The following PCLO variants were observed in gnomAD, a reference collection of about 807,000 sequenced individuals.
PCLO encodes piccolo presynaptic cytomatrix protein.
PCLO carries 82 observed loss-of-function variants against 427.5 expected under a neutral mutation model. That is an observed-to-expected ratio of 0.19 (90% CI 0.16 to 0.23). The LOEUF is 0.23. PCLO is among the 10% of genes least tolerant of loss of function. The probability of loss-of-function intolerance (pLI) is 1.00; values close to 1 mark genes in which losing one functional copy is unlikely to be tolerated. For synonymous variants in PCLO, 2,357 were observed against 2,155.4 expected (o/e 1.09, Z -2.59); for missense variants, 6,239 against 6,115.9 (o/e 1.02, Z -0.67).
chr7:83,035,351 A>G (rs1788768041), intron 3 of PCLO, among the ~76,000 whole-genome samples: 1 of 152,130 alleles, frequency 6.6e-6, no homozygotes, highest in East Asian at 1.9e-4. Context: ...CTATTTTACA[A>G]CTTTGTAGGG....
chr7:82,962,492 G>C (rs1020389550), intron 4 of PCLO, among the ~76,000 whole-genome samples: 69 of 151,938 alleles, frequency 4.5e-4, no homozygotes, highest in Admixed American at 4.5e-3. Context: ...AAATTAAGTA[G>C]CAAAAGATCT....
At chr7:82,926,751 T>A (rs372194005) in intron 6 of PCLO, among the ~76,000 whole-genome samples, 1 of 152,308 alleles carries the variant, frequency 6.6e-6, no homozygotes. Flanking sequence ...TTGCATTATA[T>A]TTTCTGGAAA....
intron 3 of PCLO, among the ~76,000 whole-genome samples, chr7:83,005,888 T>C (rs1787934172): frequency 6.6e-6 from 1 of 151,676 alleles, no homozygotes; most frequent in South Asian, 2.1e-4. Context: ...GGAAAAAATA[T>C]ACAGCAAATG....
rs755774689 is a variant in PCLO at position 82,916,344 on chromosome 7, G to A, written c.11642C>T (p.Pro3881Leu). The part of the protein sequence containing the change: ...QTQTESQLVP[P>L]TSPYTQYQYS... ...CTGGTATTGTGTGTAAGGACTTGTCGGAGGAACTAGTTGAGATTCTGTTTG... is the reference window on the plus strand; with the variant it reads ...CTGGTATTGTGTGTAAGGACTTGTCAGAGGAACTAGTTGAGATTCTGTTTG... The change falls in exon 7 of 25, where the codon CCG (proline) becomes CTG (leucine). Residue 3881 changes from proline to leucine, a missense_variant. Physicochemically the swap from Pro to Leu is moderately conservative, Grantham distance 98. This residue lies in a region of PCLO where 680 missense variants were observed against 677.3 expected (regional missense o/e 1.00). Transcript: ENST00000333891. The A allele has an allele frequency of 6.8e-6, 11 of 1,613,658 alleles. No individual in the cohort carries two copies. The East Asian group carries it at 8.9e-5, about 13-fold the overall frequency.
intron 9 of PCLO, among the ~76,000 whole-genome samples, chr7:82,883,802 G>A (rs758648736): frequency 3.3e-5 from 5 of 151,914 alleles, no homozygotes; most frequent in Non-Finnish European, 7.4e-5. Flanking sequence ...ATGGACTCTC[G>A]CTCTGTTCCC....
intron 9 of PCLO, among the ~76,000 whole-genome samples, chr7:82,901,546 A>T (rs542161533): frequency 4.6e-5 from 7 of 152,198 alleles, no homozygotes; most frequent in African/African-American, 1.7e-4. Flanking sequence ...CACCAAAAGC[A>T]ATGGCAACAA....
chr7:83,134,218 A>AATATATATATATATATATATATATATAT (rs61658777), intron 3 of PCLO, 32 bp downstream of exon 3: 32 of 430,200 alleles, frequency 7.4e-5, no homozygotes, highest in African/African-American at 5.3e-4. Flanking sequence ...CTCCATATGT[A>AATATATATATATATATATATATATATAT]ATATATATAT....
rs377029440 is a variant in PCLO at position 83,076,580 on chromosome 7, AAAACCTC to A, written c.3300+57663_3300+57669del. Among the ~76,000 whole-genome samples, 134 of 151,720 alleles carry A rather than the reference AAAACCTC, an allele frequency of 8.8e-4. 1 individual carries two copies. Among genetic ancestry groups the A allele is most frequent in the African/African-American group, 2.9e-3 (119 of 41,412 alleles). ...ACCTGGCAGAGAAATTTCACTTCTT[AAAACCTC>A]ATGCAAAACATTTGTTTTCTGTTTA... On this transcript the variant is annotated intron_variant, in intron 3 of 24. Transcript: ENST00000333891.
intron 3 of PCLO, among the ~76,000 whole-genome samples, chr7:83,035,999 C>T (rs1312498840): frequency 6.6e-6 from 1 of 152,146 alleles, no homozygotes; most frequent in African/African-American, 2.4e-5. Flanking sequence ...ACATTACCTT[C>T]TTAAATACTG....
intron 3 of PCLO, among the ~76,000 whole-genome samples, chr7:83,118,060 C>G (rs1791178272): frequency 6.6e-6 from 1 of 152,002 alleles, no homozygotes; most frequent in Non-Finnish European, 1.5e-5. Flanking sequence ...AATCAGAGTA[C>G]AAAGGATAAA....
chr7:82,959,845 G>GT (rs1417767251), intron 4 of PCLO, among the ~76,000 whole-genome samples: 1 of 152,078 alleles, frequency 6.6e-6, no homozygotes, highest in Non-Finnish European at 1.5e-5. Context: ...TTGGCAAAGT[G>GT]TTTACTCTCC....
At chr7:82,961,368 G>A (rs1795652387) in intron 4 of PCLO, among the ~76,000 whole-genome samples, 1 of 152,130 alleles carries the variant, frequency 6.6e-6, no homozygotes, top group Non-Finnish European at 1.5e-5. Context: ...CACAAGCTTT[G>A]TTCAGGAATC....
chr7:82,997,258 T>C (rs1416755169), intron 3 of PCLO, among the ~76,000 whole-genome samples: 1 of 152,026 alleles, frequency 6.6e-6, no homozygotes, highest in African/African-American at 2.4e-5. Context: ...AGAGGAAAAG[T>C]GATTATAGGC....
At chr7:82,948,610 A>G (rs1795257479) in intron 6 of PCLO, among the ~76,000 whole-genome samples, 1 of 152,170 alleles carries the variant, frequency 6.6e-6, no homozygotes, top group African/African-American at 2.4e-5. Context: ...TCACTTTCTG[A>G]ATAGTTATGT....
intron 3 of PCLO, among the ~76,000 whole-genome samples, chr7:83,129,214 G>T (rs1791512535): frequency 6.6e-6 from 1 of 152,102 alleles, no homozygotes; most frequent in Admixed American, 6.6e-5. Context: ...TATCCCACAG[G>T]GTTGTGGTGA....
chr7:82,769,165 A>G (rs745694913), intron 22 of PCLO, among the ~76,000 whole-genome samples: 5 of 152,208 alleles, frequency 3.3e-5, no homozygotes, highest in Non-Finnish European at 7.4e-5. Flanking sequence ...TTTGTAACAC[A>G]GTATCAGAAT....
In PCLO at chr7:82,966,428, T is replaced by C; in HGVS notation, c.3360A>G (p.Gly1120=). The change falls in exon 4 of 25, where the codon GGA becomes GGG. Residue 1120 remains glycine (G), a synonymous_variant. Transcript: ENST00000333891. ...GTGCAGGTGGCATTTTGCGTATGTC[T>C]CCAAGCTGTCCTGATATTGCTCTCT... ...QTQRAISGQL[G]DIRKMPPAPS... 1 of 1,609,348 alleles carries C rather than the reference T, an allele frequency of 6.2e-7. No individual in the cohort carries two copies.
chr7:82,928,446 G>A (rs1452343617), intron 6 of PCLO, among the ~76,000 whole-genome samples: 1 of 152,116 alleles, frequency 6.6e-6, no homozygotes, highest in Non-Finnish European at 1.5e-5. Flanking sequence ...GGTCTGTTAA[G>A]AGTGCAGTGG....
intron 3 of PCLO, among the ~76,000 whole-genome samples, chr7:83,027,491 G>C (rs1320094159): frequency 2.0e-5 from 3 of 151,950 alleles, no homozygotes; most frequent in African/African-American, 7.2e-5. Flanking sequence ...AAGAGTCCAG[G>C]ACCAGATAGA....
Sources: gnomAD v4.1 joint callset for allele counts (sites outside exome capture counted in the v4.1 genomes callset) on GRCh38, gnomAD v4.1.1 for gene constraint, gnomAD v4.1.1 regional missense constraint, MANE v1.5 for transcripts, NCBI Gene and HGNC (gene_info 2026-07-23, HGNC 2026-07-21) for gene names.